NETO1: variants seen among roughly 807,000 people sequenced by gnomAD.
NETO1 encodes the protein neuropilin and tolloid like 1, also known as neuropilin and tolloid-like protein 1.
In NETO1, 26 loss-of-function variants were observed where a neutral mutation model predicts 61.3. The observed-to-expected ratio is 0.42, with a 90% CI of 0.31 to 0.59. The LOEUF (loss-of-function observed/expected upper bound fraction) is 0.59, where lower values mean the gene tolerates loss of function less well. NETO1 is among the 20% of genes least tolerant of loss of function. The pLI, the probability that NETO1 is intolerant of heterozygous loss-of-function variation, is 0.12. For missense variants in NETO1, 531 were observed against 662.8 expected, an observed-to-expected ratio of 0.80 and a Z score of 2.18; for synonymous variants, 225 against 225.8, an observed-to-expected ratio of 1.00 and a Z score of 0.03.
At chr18:72,846,783 T>C (rs1269871023) in intron 4 of NETO1, among the ~76,000 whole-genome samples, 2 of 152,196 alleles carry the variant, frequency 1.3e-5, no homozygotes, top group Non-Finnish European at 2.9e-5. Flanking sequence ...ACAGCAGATC[T>C]CTGAAAGACC....
In NETO1 at chr18:72,772,751, ATATATATC is replaced by A. The variant is rs1334640425; in HGVS notation, c.868+10919_868+10926del. Among the ~76,000 whole-genome samples, 22 of 31,914 alleles carry A rather than the reference ATATATATC, an allele frequency of 6.9e-4. 1 individual carries two copies. The highest frequency in any genetic ancestry group is 1.1e-3 in the Non-Finnish European group (20 of 18,410). 20.9% of individuals were successfully genotyped at this position (31,914 alleles called of 152,430 possible). Reference sequence around the variant, plus strand: ...ATCATGTACACACACACATCTCTCTATATATATCTATATATATATATATATACAGATCT... The same window carrying A: ...ATCATGTACACACACACATCTCTCTATATATATATATATATATACAGATCT... On this transcript the variant is annotated intron_variant, in intron 7 of 10. Coordinates refer to ENST00000327305, the MANE Select transcript of NETO1 (RefSeq NM_138966.5).
Position 72,866,203 on chromosome 18 carries a change from C to G in NETO1, c.29-962G>C, listed in dbSNP as rs145085183. Reference sequence around the variant, plus strand: ...AAAGGTCTATGTTTTCACATTTTCACTTAAAATGAATTCGGGGGAGAGAAC... The same window carrying G: ...AAAGGTCTATGTTTTCACATTTTCAGTTAAAATGAATTCGGGGGAGAGAAC... On this transcript the variant is annotated intron_variant, in intron 1 of 10. Transcript: ENST00000327305. 9.3e-3 allele frequency among the ~76,000 whole-genome samples: 1,416 copies of G among 152,252 alleles called. 25 individuals carry two copies. The highest frequency in any genetic ancestry group is 0.032 in the African/African-American group (1,339 of 41,534).
intron 8 of NETO1, among the ~76,000 whole-genome samples, chr18:72,751,498 A>G (rs1396589819): frequency 2.0e-5 from 3 of 152,170 alleles, no homozygotes; most frequent in African/African-American, 7.2e-5. Context: ...GCATTTCTCA[A>G]TGCCCAACCA....
rs57066059 is a variant in NETO1, at chr18:72,808,455, G to GT, written c.470-14052_470-14051insA. On this transcript the variant is annotated intron_variant, in intron 4 of 10. Transcript: ENST00000327305. ...TGTGTGTGTGTGTGTGTGTGTGTGT[G>GT]GAGTGTGTGTGTGGTGAGGAGATGG... Among the ~76,000 whole-genome samples the GT allele has an allele frequency of 1.1e-3, 131 of 122,900 alleles. 1 individual carries two copies. Among genetic ancestry groups the GT allele is most frequent in the African/African-American group, 3.8e-3 (126 of 32,896 alleles). The allele number at this position is 122,900 out of a possible 152,430, so 80.6% of individuals were successfully genotyped here. A position where few individuals can be genotyped will look rare whatever the true frequency, so the allele number is the denominator to read the frequency against.
chr18:72,742,869 G>A (rs1302568419), downstream of NETO1: 1 of 152,160 alleles, frequency 6.6e-6, no homozygotes, highest in Non-Finnish European at 1.5e-5. Context: ...ATGGTGTTTG[G>A]CATGTGACCC....
At chr18:72,834,135 C>T (rs1323364714) in intron 4 of NETO1, 16 of 849,642 alleles carry the variant, frequency 1.9e-5, no homozygotes, top group Non-Finnish European at 2.3e-5. Flanking sequence ...GTATTTAGAG[C>T]TTCGGACAAT....
chr18:72,815,444 A>G (rs559850111), intron 4 of NETO1, among the ~76,000 whole-genome samples: 102 of 152,290 alleles, frequency 6.7e-4, no homozygotes, highest in African/African-American at 2.0e-3. Flanking sequence ...CAGACCTACC[A>G]TAAATCAGCA....
intron 4 of NETO1, among the ~76,000 whole-genome samples, chr18:72,817,783 CTCTG>C (rs902606714): frequency 3.9e-5 from 6 of 152,216 alleles, no homozygotes; most frequent in East Asian, 1.9e-4. Context: ...CTTGTTCTTT[CTCTG>C]TCTGTTTCTG....
chr18:72,743,306 C>T (rs532326548), downstream of NETO1, among the ~76,000 whole-genome samples: 7 of 152,272 alleles, frequency 4.6e-5, no homozygotes, highest in South Asian at 1.5e-3. Context: ...TCTCCCTGCA[C>T]TACTATTTGA....
intron 7 of NETO1, among the ~76,000 whole-genome samples, chr18:72,767,193 T>A (rs1444250411): frequency 6.6e-6 from 1 of 152,168 alleles, no homozygotes; most frequent in Non-Finnish European, 1.5e-5. Context: ...ACCTCAAGCT[T>A]AAAAATCTGC....
At chr18:72,796,633 T>C (rs2072321645) in intron 4 of NETO1, among the ~76,000 whole-genome samples, 1 of 152,082 alleles carries the variant, frequency 6.6e-6, no homozygotes. Flanking sequence ...CCCGCCACTG[T>C]GCCCAGCTAA....
chr18:72,826,000 G>T (rs573526269), intron 4 of NETO1, among the ~76,000 whole-genome samples: 99 of 152,180 alleles, frequency 6.5e-4, no homozygotes, highest in African/African-American at 2.4e-3. Context: ...GTGCAGAGTT[G>T]TAAACACATT....
At chr18:72,765,926 G>A (rs12957176) in intron 7 of NETO1, among the ~76,000 whole-genome samples, 37,380 of 151,990 alleles carry the variant, frequency 0.25, 5,673 homozygotes, top group East Asian at 0.4. Context: ...ACATAGCTTG[G>A]CTGGGCACAG....
At chr18:72,863,258 C>T (rs1248573165) in intron 3 of NETO1, among the ~76,000 whole-genome samples, 1 of 152,206 alleles carries the variant, frequency 6.6e-6, no homozygotes, top group African/African-American at 2.4e-5. Context: ...AGGTCCCCAA[C>T]CATATCATAG....
rs571485841 is a variant in NETO1 at position 72,763,874 on chromosome 18, C to T, written c.869-7727G>A. 3.0e-4 allele frequency among the ~76,000 whole-genome samples: 45 copies of T among 152,258 alleles called. 1 individual carries two copies. The Middle Eastern group carries it at 0.01, about 35-fold the overall frequency. Reference sequence around the variant, plus strand: ...ATAAAGAAAAGAGGTTTAATTGACTCACAGTTCCACATGACTAGGGAGACC... The same window carrying T: ...ATAAAGAAAAGAGGTTTAATTGACTTACAGTTCCACATGACTAGGGAGACC... On this transcript the variant is annotated intron_variant, in intron 7 of 10. Transcript: ENST00000327305.
intron 4 of NETO1, among the ~76,000 whole-genome samples, chr18:72,818,778 T>C (rs886578492): frequency 1.3e-5 from 2 of 152,160 alleles, no homozygotes; most frequent in African/African-American, 2.4e-5. Flanking sequence ...ATAAACATTT[T>C]TTCGTTTATC....
At chr18:72,793,795 G>C (rs2072218789) in intron 6 of NETO1, among the ~76,000 whole-genome samples, 1 of 152,170 alleles carries the variant, frequency 6.6e-6, no homozygotes, top group African/African-American at 2.4e-5. Flanking sequence ...TTGACAATAA[G>C]AGCGTAAGTG....
chr18:72,824,224 A>G (rs2073301650), intron 4 of NETO1, among the ~76,000 whole-genome samples: 1 of 152,226 alleles, frequency 6.6e-6, no homozygotes, highest in Non-Finnish European at 1.5e-5. Flanking sequence ...TCCTAAATTT[A>G]GTGGGTACTT....
At chr18:72,795,896 A>T (rs1484372600) in intron 4 of NETO1, among the ~76,000 whole-genome samples, 1 of 152,186 alleles carries the variant, frequency 6.6e-6, no homozygotes, top group Middle Eastern at 3.2e-3. Context: ...TTTGAATAAC[A>T]CACGTCCTTG....
Sources: gnomAD v4.1 joint callset for allele counts (sites outside exome capture counted in the v4.1 genomes callset) on GRCh38, gnomAD v4.1.1 for gene constraint, MANE v1.5 for transcripts, NCBI Gene and HGNC (gene_info 2026-07-23, HGNC 2026-07-21) for gene names.